The following ARPP21 variants were observed in gnomAD, a reference collection of about 807,000 sequenced individuals.
The protein encoded by ARPP21 is cAMP-regulated phosphoprotein 21.
Under a neutral mutation model 113.2 loss-of-function variants are expected in ARPP21, and 69 were observed. The ratio of observed to expected loss-of-function variants is 0.61; its 90% CI spans 0.50 to 0.74. The LOEUF is 0.74. Ranked by LOEUF, ARPP21 falls within the 30% of genes least tolerant of loss-of-function variation. The probability of loss-of-function intolerance (pLI) is 0.00; values close to 1 mark genes in which losing one functional copy is unlikely to be tolerated. For synonymous variants in ARPP21, 368 were observed against 375.5 expected (o/e 0.98, Z 0.23); for missense variants, 1,070 against 1,037.4 (o/e 1.03, Z -0.43).
At chr3:35,668,014 GAAGAAGA>G (rs1559550112) in intron 1 of ARPP21, among the ~76,000 whole-genome samples, 1 of 149,740 alleles carries the variant, frequency 6.7e-6, no homozygotes, top group Non-Finnish European at 1.5e-5. Context: ...AGAAGAAGAA[GAAGAAGA>G]AGAAGAAGAA....
At chr3:35,668,031 A>AGAG (rs1559550942) in intron 1 of ARPP21, among the ~76,000 whole-genome samples, 10 of 145,632 alleles carry the variant, frequency 6.9e-5, no homozygotes, top group Admixed American at 4.1e-4. Flanking sequence ...AAGAAGAAGA[A>AGAG]GGAGAAGAAG....
chr3:35,720,359 G>C (rs1293686701), intron 13 of ARPP21, among the ~76,000 whole-genome samples: 1 of 152,120 alleles, frequency 6.6e-6, no homozygotes, highest in Non-Finnish European at 1.5e-5. Flanking sequence ...AGTGAGTAAA[G>C]TTAAAGCAAC....
At chr3:35,653,283 ATTTCATCCT>A (rs1703259152) in intron 1 of ARPP21, among the ~76,000 whole-genome samples, 1 of 147,064 alleles carries the variant, frequency 6.8e-6, no homozygotes, top group Non-Finnish European at 1.5e-5. Context: ...GAAAGAAGTT[ATTTCATCCT>A]TAATTTTTTT....
chr3:35,757,721 C>G (rs2095623891), intron 19 of ARPP21, among the ~76,000 whole-genome samples: 1 of 152,056 alleles, frequency 6.6e-6, no homozygotes, highest in Non-Finnish European at 1.5e-5. Context: ...TTAGTTTTGA[C>G]TCTTCTCTTT....
At chr3:35,729,584 G>T in intron 15 of ARPP21, 48 bp downstream of exon 15, 1 of 1,483,720 alleles carries the variant, frequency 6.7e-7, no homozygotes, top group Non-Finnish European at 9.4e-7. Flanking sequence ...TCAGATGTTT[G>T]TTCTTATGTT....
intron 10 of ARPP21, 126 bp downstream of exon 10, chr3:35,707,208 C>T (rs2089453474): frequency 2.8e-6 from 2 of 702,064 alleles, no homozygotes; most frequent in African/African-American, 1.8e-5. Context: ...TACCACTGTC[C>T]TATCTCCAAC....
intron 16 of ARPP21, 87 bp from the exon 17 acceptor site, chr3:35,738,127 G>C: frequency 3.7e-6 from 3 of 817,532 alleles, no homozygotes; most frequent in Non-Finnish European, 4.0e-6. Flanking sequence ...TGAACCTAGA[G>C]AGCCTATGAA....
intron 1 of ARPP21, among the ~76,000 whole-genome samples, chr3:35,673,730 A>G (rs1575665070): frequency 1.3e-5 from 2 of 151,920 alleles, no homozygotes; most frequent in Non-Finnish European, 2.9e-5. Context: ...ACTTTCTTTG[A>G]GAAAGGTTTT....
At chr3:35,744,835 T>C (rs2094918770) in intron 19 of ARPP21, among the ~76,000 whole-genome samples, 4 of 152,246 alleles carry the variant, frequency 2.6e-5, no homozygotes, top group Admixed American at 2.6e-4. Context: ...TACAGATACA[T>C]GTATGTAATA....
At chr3:35,767,380 C>A (rs1423025984) in intron 19 of ARPP21, among the ~76,000 whole-genome samples, 1 of 152,106 alleles carries the variant, frequency 6.6e-6, no homozygotes, top group African/African-American at 2.4e-5. Context: ...TATACTGTTT[C>A]TGGACTCTCT....
intron 19 of ARPP21, among the ~76,000 whole-genome samples, chr3:35,775,237 C>T (rs1387368192): frequency 6.6e-6 from 1 of 152,096 alleles, no homozygotes; most frequent in Non-Finnish European, 1.5e-5. Context: ...AATCCCTTGT[C>T]TTACACTGAT....
chr3:35,718,884 G>T (rs1385914055), intron 13 of ARPP21, among the ~76,000 whole-genome samples: 5 of 142,418 alleles, frequency 3.5e-5, no homozygotes, highest in African/African-American at 1.3e-4. Flanking sequence ...TCCAGTAGGT[G>T]ATTCCAGTAG....
rs556927655 is a variant in ARPP21, at chr3:35,699,617, A to G, written c.687-7357A>G. On this transcript the variant is annotated intron_variant, in intron 9 of 20. Coordinates refer to ENST00000684406, the MANE Select transcript of ARPP21 (RefSeq NM_001385562.1). ...GAGGAGCATAGCCTTTAACTTCCCA[A>G]TCTTCACTTCCCACCTTCTGGGCTT... Among the ~76,000 whole-genome samples, 45 of 151,750 alleles carry G rather than the reference A, an allele frequency of 3.0e-4. No homozygotes were observed. In the Middle Eastern group the frequency reaches 0.02, roughly 69 times the overall value.
At chr3:35,724,596 AC>A (rs1448386764) in intron 14 of ARPP21, among the ~76,000 whole-genome samples, 2 of 152,194 alleles carry the variant, frequency 1.3e-5, no homozygotes, top group African/African-American at 4.8e-5. Flanking sequence ...TTGCCTGGGA[AC>A]CACACTTCAA....
chr3:35,762,738 G>C (rs576644889), intron 19 of ARPP21, among the ~76,000 whole-genome samples: 1 of 152,036 alleles, frequency 6.6e-6, no homozygotes, highest in Non-Finnish European at 1.5e-5. Flanking sequence ...TAAGACGATG[G>C]TTCCAATTTA....
intron 14 of ARPP21, among the ~76,000 whole-genome samples, chr3:35,726,242 T>A (rs2093525859): frequency 6.6e-6 from 1 of 152,216 alleles, no homozygotes; most frequent in South Asian, 2.1e-4. Flanking sequence ...AGTTCTCAAA[T>A]ATCAATTTCA....
chr3:35,691,021 GT>G lies in ARPP21; in HGVS notation c.686+17del. On this transcript the variant is annotated intron_variant, in intron 9 of 20. Transcript: ENST00000684406. ...GCACCAGAATGTAAGCCCCATCACTGTACTTATTTAGCATTTTCTTTTTCTC... is the reference window on the plus strand; with the variant it reads ...GCACCAGAATGTAAGCCCCATCACTGACTTATTTAGCATTTTCTTTTTCTC... The G allele has an allele frequency of 6.3e-7, 1 of 1,594,050 alleles. No homozygotes were observed. Among genetic ancestry groups the G allele is most frequent in the Non-Finnish European group, 8.5e-7 (1 of 1,171,414 alleles).
upstream of ARPP21, among the ~76,000 whole-genome samples, chr3:35,639,436 C>T (rs1408419666): frequency 6.6e-6 from 1 of 151,994 alleles, no homozygotes; most frequent in African/African-American, 2.4e-5. The surrounding 1 kb of genome is among the most constrained non-coding windows in gnomAD (Gnocchi z 5.0). Context: ...GGGCGGGGAC[C>T]GGACGCATCC....
chr3:35,694,974 TTAAA>T (rs1243150644), intron 9 of ARPP21, among the ~76,000 whole-genome samples: 1 of 146,716 alleles, frequency 6.8e-6, no homozygotes, highest in Non-Finnish European at 1.5e-5. Context: ...TATATAAAGT[TTAAA>T]TAAATATGAA....
Sources: allele counts gnomAD v4.1 joint callset (sites outside exome capture counted in the v4.1 genomes callset), GRCh38; gene constraint gnomAD v4.1.1; non-coding constraint Gnocchi (gnomAD v3.1); transcripts MANE v1.5; gene names NCBI Gene and HGNC (gene_info 2026-07-23, HGNC 2026-07-21).